The following UBA52 variants were observed in gnomAD, a reference collection of about 807,000 sequenced individuals.
UBA52 encodes the protein ubiquitin A-52 residue ribosomal protein fusion product 1, also known as ubiquitin-ribosomal protein eL40 fusion protein.
UBA52 carries 1 observed loss-of-function variant against 15.3 expected under a neutral mutation model. That is an observed-to-expected ratio of 0.07 (90% confidence interval 0.02 to 0.31). UBA52 has a LOEUF of 0.31. UBA52 is among the 10% of genes least tolerant of loss of function. The pLI, the probability that UBA52 is intolerant of heterozygous loss-of-function variation, is 1.00. For missense variants in UBA52, 87 were observed against 168.0 expected (o/e 0.52, Z 2.66); for synonymous variants, 50 against 58.3 (o/e 0.86, Z 0.65).
At chr19:18,569,584 C>CA (rs1381395442), upstream of UBA52, among the ~76,000 whole-genome samples, 3 of 151,840 alleles carry the variant, frequency 2.0e-5, no homozygotes, top group African/African-American at 7.3e-5. Flanking sequence ...GGTCTTCCCT[C>CA]ACGCTGCTGT....
In UBA52 at chr19:18,575,075, C is replaced by T; in HGVS notation, c.312C>T (p.His104=). 6 of 1,614,246 alleles carry T rather than the reference C, an allele frequency of 3.7e-6. No homozygotes were observed. Among genetic ancestry groups the T allele is most frequent in the Non-Finnish European group, 3.4e-6 (4 of 1,180,048 alleles). Reference sequence around the variant, plus strand: ...TGTGCAGGTGCTATGCTCGCCTTCACCCTCGTGCTGTCAACTGCCGCAAGA... The same window carrying T: ...TGTGCAGGTGCTATGCTCGCCTTCATCCTCGTGCTGTCAACTGCCGCAAGA... ...MICRKCYARL[H]PRAVNCRKKK... is the part of the protein sequence containing the mutation. Residue 104 remains histidine (H), a synonymous_variant, in exon 5 of 5, where the codon CAC becomes CAT. Transcript: ENST00000442744.
At chr19:18,570,599 C>T (rs995522185), upstream of UBA52, among the ~76,000 whole-genome samples, 4 of 150,584 alleles carry the variant, frequency 2.7e-5, no homozygotes, top group Non-Finnish European at 3.0e-5. Flanking sequence ...GCAACCTCCA[C>T]CTCCCGGATT....
At chr19:18,573,617 T>G (rs755496769) in intron 2 of UBA52, 45 bp from the exon 3 acceptor site, 24 of 1,596,878 alleles carry the variant, frequency 1.5e-5, no homozygotes, top group Non-Finnish European at 2.1e-5. Context: ...ACACTGCCAG[T>G]AATATGGTCC....
the UBA52 span, chr19:18,565,291 G>A: frequency 5.8e-3 from 4,648 of 801,410 alleles, 30 homozygotes; most frequent in Middle Eastern, 0.023. Flanking sequence ...GTGCAGTGGC[G>A]CGACCTCAGC....
At chr19:18,568,730 C>T (rs62137092), upstream of UBA52, 2 of 885,662 alleles carry the variant, frequency 2.3e-6, no homozygotes, top group Non-Finnish European at 3.5e-6. Context: ...TCCTTTGCTG[C>T]CCCGTTCTGT....
upstream of UBA52, chr19:18,567,011 T>G: frequency 1.3e-6 from 1 of 796,710 alleles, no homozygotes; most frequent in Non-Finnish European, 2.1e-6. Flanking sequence ...TGATGAACAG[T>G]GTGGGGGTTC....
In UBA52 at chr19:18,573,653, C is replaced by T. The variant is rs745968672; in HGVS notation, c.104-9C>T. 3 of 1,613,780 alleles carry T rather than the reference C, an allele frequency of 1.9e-6. No homozygotes were observed. Among genetic ancestry groups the T allele is most frequent in the East Asian group, 2.2e-5 (1 of 44,882 alleles). On this transcript the variant is annotated splice_polypyrimidine_tract_variant and intron_variant, in intron 2 of 4. Coordinates refer to ENST00000442744, the MANE Select transcript of UBA52 (RefSeq NM_001033930.3). ...GCAGAGCCTCTAACTGAGCCTCCCT[C>T]CCCCTCAGGTATCCCACCTGACCAG...
At chr19:18,565,140 CT>C in the UBA52 span, 1 of 1,505,500 alleles carries the variant, frequency 6.6e-7, no homozygotes, top group Non-Finnish European at 8.8e-7. Context: ...CAAGGCTTCA[CT>C]GCGCACTTAA....
chr19:18,575,444 T>C lies in UBA52; in HGVS notation c.*294T>C, dbSNP rs1250314032. 2 of 421,442 alleles carry C rather than the reference T, an allele frequency of 4.7e-6. No individual in the cohort carries two copies. The highest frequency in any genetic ancestry group is 7.6e-5 in the Admixed American group (2 of 26,310). 26.1% of individuals were successfully genotyped at this position (421,442 alleles called of 1,614,324 possible). On this transcript the variant is annotated 3_prime_UTR_variant, in exon 5 of 5. Coordinates refer to ENST00000442744, the MANE Select transcript of UBA52 (RefSeq NM_001033930.3). ...TGGAGTAAAAACCTCAGTCGTGTAA[T>C]TGGTGGGACTGAGGATCAGTTTTGT...
rs1975735736 is a variant in UBA52, at chr19:18,575,297, C to T, written c.*147C>T. On this transcript the variant is annotated 3_prime_UTR_variant, in exon 5 of 5. Coordinates refer to ENST00000442744, the MANE Select transcript of UBA52 (RefSeq NM_001033930.3). ...AGGTGGCTGAAGAGTGGGCATCTCCCTTAGGGACTCTACTCAGCACTCCAT... is the reference window on the plus strand; with the variant it reads ...AGGTGGCTGAAGAGTGGGCATCTCCTTTAGGGACTCTACTCAGCACTCCAT... 1.2e-6 allele frequency: 1 copy of T among 863,640 alleles called. No homozygotes were observed. Among genetic ancestry groups the T allele is most frequent in the Non-Finnish European group, 1.8e-6 (1 of 554,256 alleles). 53.5% of individuals were successfully genotyped at this position (863,640 alleles called of 1,614,324 possible).
At chr19:18,571,717 G>A (rs1975485421), upstream of UBA52, 1 of 152,308 alleles carries the variant, frequency 6.6e-6, no homozygotes, top group South Asian at 2.1e-4. Context: ...TCACCCACGT[G>A]CGCTGCGGCT....
chr19:18,568,797 G>A, upstream of UBA52: 1 of 604,548 alleles, frequency 1.7e-6, no homozygotes, highest in Non-Finnish European at 2.9e-6. Flanking sequence ...AATTCCTGGG[G>A]GGGTCTTTAA....
chr19:18,568,756 G>C, upstream of UBA52: 1 of 693,968 alleles, frequency 1.4e-6, no homozygotes, highest in Non-Finnish European at 2.4e-6. Context: ...AGGGCTCCTA[G>C]GGGGACAAGG....
chr19:18,568,933 C>T (rs748700527), upstream of UBA52: 9 of 425,636 alleles, frequency 2.1e-5, no homozygotes, highest in East Asian at 1.3e-4. Context: ...CTGAGCCTGA[C>T]GTCTGCTCTG....
chr19:18,574,856 G>T lies in UBA52; in HGVS notation c.191-14G>T. 4 of 1,612,278 alleles carry T rather than the reference G, an allele frequency of 2.5e-6. No individual in the cohort carries two copies. The highest frequency in any genetic ancestry group is 3.4e-6 in the Non-Finnish European group (4 of 1,179,954). On this transcript the variant is annotated splice_polypyrimidine_tract_variant and intron_variant, in intron 3 of 4. Coordinates refer to ENST00000442744, the MANE Select transcript of UBA52 (RefSeq NM_001033930.3). ...GCTGGGCTCAGTCGCCGTCCTTCTG[G>T]CTGTCTCCTGCAGAGTCCACCCTGC...
upstream of UBA52, among the ~76,000 whole-genome samples, chr19:18,569,668 G>T (rs3761034): frequency 0.5 from 75,483 of 150,196 alleles, 20,010 homozygotes; most frequent in East Asian, 0.67. Context: ...CCTCCAGATA[G>T]GGGAGCCACA....
chr19:18,568,403 T>C, upstream of UBA52: 1 of 1,612,184 alleles, frequency 6.2e-7, no homozygotes, highest in Non-Finnish European at 8.5e-7. Flanking sequence ...TTCCCCCAGA[T>C]ATCCCAGAGG....
At chr19:18,567,034 C>T, upstream of UBA52, 3 of 1,073,730 alleles carry the variant, frequency 2.8e-6, no homozygotes, top group Non-Finnish European at 4.2e-6. Flanking sequence ...ACTCCCGTCT[C>T]CCCTTGCCCT....
chr19:18,568,893 G>A (rs977224523), upstream of UBA52: 1 of 504,626 alleles, frequency 2.0e-6, no homozygotes, highest in Non-Finnish European at 3.6e-6. Context: ...CTGGAGTCGT[G>A]GGGCTGGGCA....
Sources: allele counts gnomAD v4.1 joint callset (sites outside exome capture counted in the v4.1 genomes callset), GRCh38; gene constraint gnomAD v4.1.1; transcripts MANE v1.5; gene names NCBI Gene and HGNC (gene_info 2026-07-23, HGNC 2026-07-21).